The following TXLNB variants were observed in gnomAD, a reference collection of about 807,000 sequenced individuals.
TXLNB encodes taxilin beta.
In TXLNB, 37 loss-of-function variants were observed where a neutral mutation model predicts 57.4. The ratio of observed to expected loss-of-function variants is 0.64; its 90% CI spans 0.50 to 0.85. TXLNB has a LOEUF of 0.85. TXLNB is among the 40% of genes least tolerant of loss of function. The probability of loss-of-function intolerance (pLI) is 0.00; values close to 1 mark genes in which losing one functional copy is unlikely to be tolerated. For missense variants in TXLNB, 848 were observed against 825.6 expected (o/e 1.03, Z -0.33); for synonymous variants, 302 against 309.6 (o/e 0.98, Z 0.26).
chr6:139,213,147 T>G, the TXLNB span, among the ~76,000 whole-genome samples: 1 of 152,162 alleles, frequency 6.6e-6, no homozygotes, highest in Admixed American at 6.5e-5. Context: ...TCTACAGAAC[T>G]CTCCACCCCA....
the TXLNB span, among the ~76,000 whole-genome samples, chr6:139,182,223 A>G: frequency 2.0e-5 from 3 of 152,346 alleles, no homozygotes; most frequent in South Asian, 6.2e-4. Flanking sequence ...CTGCCAGTGG[A>G]TTCAAAGCCT....
the TXLNB span, among the ~76,000 whole-genome samples, chr6:139,217,231 C>G: frequency 6.6e-6 from 1 of 152,052 alleles, no homozygotes; most frequent in East Asian, 1.9e-4. Flanking sequence ...TGCGCTTACA[C>G]ATTTAGTACT....
chr6:139,281,235 A>T lies in TXLNB; in HGVS notation c.425-4314T>A, dbSNP rs1777040134. The stretch of plus-strand genomic sequence containing the variant: ...CATTTTTAGCTTGATTTAGATAACA[A>T]TGAAAACAAAAGCAACATTGTTTGG... On this transcript the variant is annotated intron_variant, in intron 2 of 9. Coordinates refer to ENST00000358430, the MANE Select transcript of TXLNB (RefSeq NM_153235.4). Among the ~76,000 whole-genome samples the T allele has an allele frequency of 2.6e-5, 4 of 152,174 alleles. 1 individual carries two copies. The highest frequency in any genetic ancestry group is 2.6e-4 in the Admixed American group (4 of 15,282).
At chr6:139,212,435 T>C in the TXLNB span, among the ~76,000 whole-genome samples, 14,467 of 152,138 alleles carry the variant, frequency 0.095, 936 homozygotes, top group Non-Finnish European at 0.14. Context: ...TGCTGAGAGA[T>C]TTTGTCACCA....
chr6:139,246,505 A>C (rs1365911951), intron 8 of TXLNB, among the ~76,000 whole-genome samples: 1 of 152,240 alleles, frequency 6.6e-6, no homozygotes, highest in Non-Finnish European at 1.5e-5. Context: ...AAATTATAAT[A>C]CTGGCACCTT....
chr6:139,181,398 G>A, the TXLNB span, among the ~76,000 whole-genome samples: 1 of 152,168 alleles, frequency 6.6e-6, no homozygotes, highest in African/African-American at 2.4e-5. Flanking sequence ...GAAATCTCAA[G>A]TCCTGTGCCA....
downstream of TXLNB, among the ~76,000 whole-genome samples, chr6:139,239,841 T>TCTCTCTCTGTC (rs1775885789): frequency 2.0e-5 from 3 of 148,084 alleles, no homozygotes; most frequent in African/African-American, 7.9e-5. The surrounding 1 kb of genome is among the most constrained non-coding windows in gnomAD (Gnocchi z 4.7). Context: ...CTCCCTCCCT[T>TCTCTCTCTGTC]TCTCTCTCTG....
the TXLNB span, among the ~76,000 whole-genome samples, chr6:139,321,719 C>T: frequency 1.4e-5 from 2 of 147,324 alleles, no homozygotes; most frequent in African/African-American, 2.5e-5. Context: ...GCAAGCTCCA[C>T]CTCCCGGGTT....
chr6:139,262,603 G>C lies in TXLNB; in HGVS notation c.858C>G (p.Ile286Met). Residue 286 changes from isoleucine (I) to methionine (M), a missense_variant, in exon 5 of 10, where the codon ATC becomes ATG. Transcript: ENST00000358430. ...CCTCCTCTCTGAGCTCATACTGATC[G>C]ATGATGCTTTTCAGCTTTTCTGCAA... is the stretch of plus-strand genomic sequence containing the variant. ...TELAEKLKSI[I>M]DQYELREEHL... 6.2e-7 allele frequency: 1 copy of C among 1,613,940 alleles called. No homozygotes were observed. The highest frequency in any genetic ancestry group is 8.5e-7 in the Non-Finnish European group (1 of 1,179,936).
At position 139,288,848 on chromosome 6, in the gene TXLNB, G is replaced by T; in HGVS notation, c.52C>A (p.Pro18Thr). ...CTGGGTAATGATGAACTGTCACCTG[G>T]AGGTGTTGACTGTCGTTCCGCTGAG... is the stretch of plus-strand genomic sequence containing the variant. ...QLSAERQSTP[P>T]GDSSSLPSHN... Residue 18 changes from proline (P) to threonine (T), a missense_variant, in exon 2 of 10, where the codon CCA becomes ACA. By Grantham distance (38) the Pro-to-Thr change is conservative (BLOSUM62 -1). Coordinates refer to ENST00000358430, the MANE Select transcript of TXLNB (RefSeq NM_153235.4). 6.2e-7 allele frequency: 1 copy of T among 1,614,202 alleles called. No individual in the cohort carries two copies.
intron 2 of TXLNB, among the ~76,000 whole-genome samples, chr6:139,281,997 C>T (rs1239052734): frequency 6.6e-6 from 1 of 151,826 alleles, no homozygotes; most frequent in Non-Finnish European, 1.5e-5. Flanking sequence ...CAAGGCTTTT[C>T]TCTCCCCTTC....
chr6:139,188,224 G>A, the TXLNB span, among the ~76,000 whole-genome samples: 7 of 152,106 alleles, frequency 4.6e-5, no homozygotes, highest in Admixed American at 6.5e-5. Flanking sequence ...CTCTCAAATC[G>A]ATGGGTGCGT....
chr6:139,183,185 CTAAG>C, the TXLNB span: 3 of 152,194 alleles, frequency 2.0e-5, no homozygotes, highest in Non-Finnish European at 4.4e-5. Flanking sequence ...GAAGTTAAAT[CTAAG>C]TAAGTTCATA....
At chr6:139,206,396 T>C in the TXLNB span, among the ~76,000 whole-genome samples, 1 of 152,122 alleles carries the variant, frequency 6.6e-6, no homozygotes, top group East Asian at 1.9e-4. Flanking sequence ...GTCAGGGGCA[T>C]GGTGGCTCAA....
chr6:139,167,138 CA>C, the TXLNB span: 2 of 1,614,152 alleles, frequency 1.2e-6, no homozygotes, highest in Non-Finnish European at 1.7e-6. Flanking sequence ...CCAAGTGGGC[CA>C]GGGGGAAGAC....
chr6:139,301,364 G>T, the TXLNB span, among the ~76,000 whole-genome samples: 12 of 152,242 alleles, frequency 7.9e-5, no homozygotes, highest in African/African-American at 2.9e-4. Flanking sequence ...CCTTATTAGG[G>T]TGAAAATATT....
the TXLNB span, among the ~76,000 whole-genome samples, chr6:139,213,884 TG>T: frequency 0.015 from 2,213 of 152,158 alleles, 35 homozygotes; most frequent in African/African-American, 0.047. Flanking sequence ...CTAGAAGAAA[TG>T]GATAAATTCC....
the TXLNB span, among the ~76,000 whole-genome samples, chr6:139,164,749 A>T: frequency 6.6e-6 from 1 of 151,660 alleles, no homozygotes; most frequent in Admixed American, 6.6e-5. Context: ...TCCCTGAAGC[A>T]CCCTTGTCAT....
At chr6:139,249,532 G>A (rs573924885) in intron 7 of TXLNB, among the ~76,000 whole-genome samples, 14 of 152,294 alleles carry the variant, frequency 9.2e-5, no homozygotes, top group Middle Eastern at 3.4e-3. Flanking sequence ...GGCACCGACC[G>A]GTGTTATCAG....
Sources: allele counts gnomAD v4.1 joint callset (sites outside exome capture counted in the v4.1 genomes callset), GRCh38; gene constraint gnomAD v4.1.1; non-coding constraint Gnocchi (gnomAD v3.1); transcripts MANE v1.5; gene names NCBI Gene and HGNC (gene_info 2026-07-23, HGNC 2026-07-21).